SLC41A2: variants seen among roughly 807,000 people sequenced by gnomAD.
SLC41A2 encodes the protein SLC41A1-like 1.
Under a neutral mutation model 58.3 loss-of-function variants are expected in SLC41A2, and 32 were observed. That is an observed-to-expected ratio of 0.55 (90% CI 0.41 to 0.74). SLC41A2 has a LOEUF of 0.74. SLC41A2 is among the 30% of genes least tolerant of loss of function. The pLI is 0.00. For synonymous variants in SLC41A2, 190 were observed against 235.0 expected, an observed-to-expected ratio of 0.81 and a Z score of 1.75; for missense variants, 514 against 680.6, an observed-to-expected ratio of 0.76 and a Z score of 2.72.
At chr12:104,909,884 C>T in intron 2 of SLC41A2, 122 bp from the exon 3 acceptor site, 1 of 617,164 alleles carries the variant, frequency 1.6e-6, no homozygotes. Flanking sequence ...AATAACCACA[C>T]AGTTCATGTA....
At chr12:104,862,394 G>A (rs562125405) in intron 7 of SLC41A2, among the ~76,000 whole-genome samples, 1 of 152,234 alleles carries the variant, frequency 6.6e-6, no homozygotes, top group Admixed American at 6.5e-5. Flanking sequence ...AAAGAATAAA[G>A]TACATACTTC....
intron 1 of SLC41A2, among the ~76,000 whole-genome samples, chr12:104,934,529 G>C (rs771069822): frequency 6.6e-6 from 1 of 152,118 alleles, no homozygotes; most frequent in Non-Finnish European, 1.5e-5. Context: ...ATCTACAACA[G>C]GTACAGAAAG....
Position 104,845,836 on chromosome 12 carries a change from C to T in SLC41A2, c.1387+7G>A, listed in dbSNP as rs779892475. Reference sequence around the variant, plus strand: ...TCTAAAATATGCAAAAATCCATAAGCACATACCTGGACCAAAGAAAGTTCT... The same window carrying T: ...TCTAAAATATGCAAAAATCCATAAGTACATACCTGGACCAAAGAAAGTTCT... On this transcript the variant is annotated splice_region_variant and intron_variant, in intron 9 of 10. Coordinates refer to ENST00000258538, the MANE Select transcript of SLC41A2 (RefSeq NM_001352171.3). 1.2e-6 allele frequency: 2 copies of T among 1,607,476 alleles called. No homozygotes were observed. The highest frequency in any genetic ancestry group is 2.2e-5 in the East Asian group (1 of 44,726).
intron 10 of SLC41A2, among the ~76,000 whole-genome samples, chr12:104,809,512 G>A (rs1240709690): frequency 6.6e-6 from 1 of 152,174 alleles, no homozygotes; most frequent in African/African-American, 2.4e-5. Flanking sequence ...TTTCCATGTG[G>A]TCAATTCTTC....
At chr12:104,926,603 A>C (rs1298224026) in intron 2 of SLC41A2, among the ~76,000 whole-genome samples, 1 of 152,150 alleles carries the variant, frequency 6.6e-6, no homozygotes, top group Non-Finnish European at 1.5e-5. Flanking sequence ...AAATAAAAAA[A>C]AAAAGAGAAT....
intron 8 of SLC41A2, among the ~76,000 whole-genome samples, chr12:104,851,230 T>C (rs2042786937): frequency 6.6e-6 from 1 of 152,208 alleles, no homozygotes; most frequent in Non-Finnish European, 1.5e-5. Context: ...CTTGGCATTT[T>C]CTTAATTATA....
intron 6 of SLC41A2, among the ~76,000 whole-genome samples, chr12:104,871,687 A>G (rs1593039741): frequency 6.6e-6 from 1 of 152,226 alleles, no homozygotes; most frequent in East Asian, 1.9e-4. Context: ...TTGGACAATT[A>G]CTGTGCCAAA....
intron 3 of SLC41A2, among the ~76,000 whole-genome samples, chr12:104,897,464 T>C (rs2045348010): frequency 6.6e-6 from 1 of 152,010 alleles, no homozygotes; most frequent in Non-Finnish European, 1.5e-5. Flanking sequence ...AATTAATCAG[T>C]TTCTTTTTTT....
chr12:104,810,190 A>T (rs1270051344), intron 10 of SLC41A2, among the ~76,000 whole-genome samples: 1 of 152,164 alleles, frequency 6.6e-6, no homozygotes, highest in Non-Finnish European at 1.5e-5. Context: ...CAAAAGCAGA[A>T]CTTAAAAAAA....
chr12:104,832,141 T>C (rs143532037), intron 10 of SLC41A2, among the ~76,000 whole-genome samples: 254 of 152,272 alleles, frequency 1.7e-3, no homozygotes, highest in African/African-American at 5.7e-3. Context: ...GAATTGACTA[T>C]TAACCCAAGA....
At chr12:104,943,470 T>A (rs2047589402) in intron 1 of SLC41A2, among the ~76,000 whole-genome samples, 1 of 152,168 alleles carries the variant, frequency 6.6e-6, no homozygotes. Flanking sequence ...TCTTCCAGAA[T>A]CGAAGCTGTA....
chr12:104,944,660 G>T (rs912907153), intron 1 of SLC41A2, among the ~76,000 whole-genome samples: 1 of 151,950 alleles, frequency 6.6e-6, no homozygotes, highest in Admixed American at 6.6e-5. Flanking sequence ...TCTTCTGGAG[G>T]GTTCTAAGCC....
intron 2 of SLC41A2, among the ~76,000 whole-genome samples, chr12:104,913,521 G>T (rs973853510): frequency 2.0e-5 from 3 of 152,134 alleles, no homozygotes; most frequent in Non-Finnish European, 4.4e-5. Flanking sequence ...TCATGAAGGG[G>T]TATGAAGTTC....
chr12:104,852,713 A>G (rs2042846628), intron 8 of SLC41A2, among the ~76,000 whole-genome samples: 1 of 152,218 alleles, frequency 6.6e-6, no homozygotes. Flanking sequence ...AAGGTGAATA[A>G]AATTTTTAAG....
At position 104,804,430 on chromosome 12, in the gene SLC41A2, T is replaced by G. The variant is rs534032360; in HGVS notation, c.*722A>C. On this transcript the variant is annotated 3_prime_UTR_variant, in exon 11 of 11. Transcript: ENST00000258538. ...TATATTCTGTTTTTGAAGATTACAT[T>G]TTTTAAAACACATCAACATTTTTCC... 9.9e-5 allele frequency: 15 copies of G among 152,246 alleles called. No individual in the cohort carries two copies. The East Asian group carries it at 2.7e-3, about 27-fold the overall frequency. 9.4% of individuals were successfully genotyped at this position (152,246 alleles called of 1,614,324 possible).
At position 104,804,293 on chromosome 12, in the gene SLC41A2, A is replaced by C. The variant is rs1196749219; in HGVS notation, c.*859T>G. On this transcript the variant is annotated 3_prime_UTR_variant, in exon 11 of 11. Coordinates refer to ENST00000258538, the MANE Select transcript of SLC41A2 (RefSeq NM_001352171.3). ...TTGCTGATATTCCAACAGCACTATG[A>C]TCTTTGCTATCAGCAATCCAAGATT... The C allele has an allele frequency of 6.6e-6, 1 of 152,054 alleles. No individual in the cohort carries two copies. The highest frequency in any genetic ancestry group is 1.5e-5 in the Non-Finnish European group (1 of 68,042). 9.4% of individuals were successfully genotyped at this position (152,054 alleles called of 1,614,324 possible).
intron 1 of SLC41A2, among the ~76,000 whole-genome samples, chr12:104,957,408 A>G (rs10861297): frequency 0.52 from 79,154 of 151,910 alleles, 21,031 homozygotes; most frequent in East Asian, 0.73. Flanking sequence ...TAAGAGAGAC[A>G]GGGTTTCTTT....
Position 104,923,815 on chromosome 12 carries a change from C to T in SLC41A2, c.555+4158G>A, listed in dbSNP as rs550498099. On this transcript the variant is annotated intron_variant, in intron 2 of 10. Coordinates refer to ENST00000258538, the MANE Select transcript of SLC41A2 (RefSeq NM_001352171.3). ...CCAAACATAAGCCCCATTTCATACT[C>T]TACACAAAAATCCATTCCAGGGAGG... Among the ~76,000 whole-genome samples the T allele has an allele frequency of 8.5e-5, 13 of 152,282 alleles. No individual in the cohort carries two copies. The East Asian group carries it at 2.5e-3, about 29-fold the overall frequency.
intron 1 of SLC41A2, among the ~76,000 whole-genome samples, chr12:104,950,306 G>A (rs927048000): frequency 8.5e-5 from 13 of 152,090 alleles, no homozygotes; most frequent in Admixed American, 5.9e-4. Flanking sequence ...ATTCCCCCAC[G>A]CTGTTCTCAT....
Sources: allele counts gnomAD v4.1 joint callset (sites outside exome capture counted in the v4.1 genomes callset), GRCh38; gene constraint gnomAD v4.1.1; transcripts MANE v1.5; gene names NCBI Gene and HGNC (gene_info 2026-07-23, HGNC 2026-07-21).